Variants in DPYSL2 observed in about 807,000 individuals in gnomAD.
The protein encoded by DPYSL2 is dihydropyrimidinase like 2, also known as dihydropyrimidinase-related protein 2.
DPYSL2 carries 13 observed loss-of-function variants against 69.9 expected under a neutral mutation model. The observed-to-expected ratio is 0.19, with a 90% confidence interval of 0.12 to 0.30. DPYSL2 has a LOEUF of 0.30. Ranked by LOEUF, DPYSL2 falls within the 10% of genes least tolerant of loss-of-function variation. The pLI, the probability that DPYSL2 is intolerant of heterozygous loss-of-function variation, is 1.00. For synonymous variants in DPYSL2, 326 were observed against 359.1 expected (o/e 0.91, Z 1.04); for missense variants, 587 against 918.9 (o/e 0.64, Z 4.67).
intron 1 of DPYSL2, among the ~76,000 whole-genome samples, chr8:26,575,439 A>C (rs7827953): frequency 1.3e-5 from 2 of 152,234 alleles, no homozygotes; most frequent in South Asian, 4.1e-4. Context: ...CTGAATGGTA[A>C]ATATGGTAAG....
intron 1 of DPYSL2, among the ~76,000 whole-genome samples, chr8:26,520,287 T>G (rs918027357): frequency 6.6e-6 from 1 of 152,142 alleles, no homozygotes; most frequent in African/African-American, 2.4e-5. Flanking sequence ...ATTAGCAGGG[T>G]GAGAACAGAC....
chr8:26,639,318 G>A (rs1451414798), intron 8 of DPYSL2, among the ~76,000 whole-genome samples: 1 of 152,188 alleles, frequency 6.6e-6, no homozygotes, highest in East Asian at 1.9e-4. Context: ...ACGATTGTGG[G>A]GATGGCAAGT....
intron 7 of DPYSL2, among the ~76,000 whole-genome samples, chr8:26,630,441 A>T (rs1201818930): frequency 6.6e-6 from 1 of 152,164 alleles, no homozygotes; most frequent in East Asian, 1.9e-4. Flanking sequence ...TGGGCCTTGG[A>T]AATGCACAGA....
chr8:26,531,986 G>A (rs1437693812), intron 1 of DPYSL2, among the ~76,000 whole-genome samples: 1 of 152,078 alleles, frequency 6.6e-6, no homozygotes, highest in Non-Finnish European at 1.5e-5. Flanking sequence ...AGGGATATGG[G>A]CACAGGGAGG....
At chr8:26,639,641 C>T (rs1802996327) in intron 8 of DPYSL2, among the ~76,000 whole-genome samples, 2 of 152,132 alleles carry the variant, frequency 1.3e-5, no homozygotes, top group African/African-American at 4.8e-5. Flanking sequence ...CCCACTTTGT[C>T]TAGTACAATT....
intron 1 of DPYSL2, among the ~76,000 whole-genome samples, chr8:26,563,407 G>A (rs1319688969): frequency 6.6e-6 from 1 of 152,140 alleles, no homozygotes; most frequent in African/African-American, 2.4e-5. Context: ...AAACTTTGCT[G>A]CAAAAATTGA....
chr8:26,548,859 C>A (rs1800825887), intron 1 of DPYSL2, among the ~76,000 whole-genome samples: 1 of 151,810 alleles, frequency 6.6e-6, no homozygotes, highest in Non-Finnish European at 1.5e-5. Flanking sequence ...GCCTGGGTGA[C>A]AGAGTGAGAC....
At chr8:26,645,870 T>TC (rs1391697082) in intron 10 of DPYSL2, among the ~76,000 whole-genome samples, 1 of 149,498 alleles carries the variant, frequency 6.7e-6, no homozygotes, top group African/African-American at 2.5e-5. Flanking sequence ...TATAATTCTT[T>TC]TTTTTTGGCT....
chr8:26,605,163 G>GT lies in DPYSL2; in HGVS notation c.629-18979dup. 6.6e-6 allele frequency among the ~76,000 whole-genome samples: 1 copy of GT among 152,242 alleles called. No homozygotes were observed. Among genetic ancestry groups the GT allele is most frequent in the Non-Finnish European group, 1.5e-5 (1 of 68,026 alleles). ...AGGAGCACCAGGGCTGGCCCATCAA[G>GT]TACCTCAATATATTGCTCCCTGATG... On this transcript the variant is annotated intron_variant, in intron 3 of 13. Transcript: ENST00000521913. This position sits in a 1 kb window ranked among gnomAD's most constrained non-coding sequence, Gnocchi z 4.1.
Position 26,626,502 on chromosome 8 carries a change from CA to C in DPYSL2, c.794-114del. ...ACTGAAACACACACACACACACACA[CA>C]CACACACACACACACACACGTACAC... On this transcript the variant is annotated intron_variant, in intron 4 of 13. Coordinates refer to ENST00000521913, the MANE Select transcript of DPYSL2 (RefSeq NM_001197293.3). The surrounding 1 kb of genome is among the most constrained non-coding windows in gnomAD (Gnocchi z 4.3). 1.3e-6 allele frequency: 1 copy of C among 797,342 alleles called. No individual in the cohort carries two copies. Among genetic ancestry groups the C allele is most frequent in the Non-Finnish European group, 2.1e-6 (1 of 484,766 alleles). 49.4% of individuals were successfully genotyped at this position (797,342 alleles called of 1,614,324 possible).
chr8:26,549,200 TTAATAA>T lies in DPYSL2; in HGVS notation c.355-32746_355-32741del, dbSNP rs57336957. ...GGAAGACTGTCTCAAAAAAATTAAG[TTAATAA>T]TAATAATAATAATAATAATAATCAA... On this transcript the variant is annotated intron_variant, in intron 1 of 13. Coordinates refer to ENST00000521913, the MANE Select transcript of DPYSL2 (RefSeq NM_001197293.3). 4.2e-3 allele frequency among the ~76,000 whole-genome samples: 608 copies of T among 146,390 alleles called. 7 individuals carry two copies. The highest frequency in any genetic ancestry group is 0.018 in the Middle Eastern group (5 of 274).
At chr8:26,636,420 T>G (rs1802917518) in intron 8 of DPYSL2, among the ~76,000 whole-genome samples, 1 of 152,210 alleles carries the variant, frequency 6.6e-6, no homozygotes, top group Non-Finnish European at 1.5e-5. Flanking sequence ...TTTTCTGTAT[T>G]TTACTACTGC....
At position 26,647,935 on chromosome 8, in the gene DPYSL2, G is replaced by T. The variant is rs11776801; in HGVS notation, c.1596+135G>T. ...CGCTCGACTGAGGATGTTATGATTT[G>T]CAATTTGCTGGGAAAAGAATAGTTA... On this transcript the variant is annotated intron_variant, in intron 11 of 13. Coordinates refer to ENST00000521913, the MANE Select transcript of DPYSL2 (RefSeq NM_001197293.3). The surrounding 1 kb of genome is among the most constrained non-coding windows in gnomAD (Gnocchi z 5.1). 0.13 allele frequency: 140,073 copies of T among 1,050,304 alleles called. 10,495 individuals carry two copies. Among genetic ancestry groups the T allele is most frequent in the Middle Eastern group, 0.17 (804 of 4,678 alleles). 65.1% of individuals were successfully genotyped at this position (1,050,304 alleles called of 1,614,324 possible).
Position 26,641,298 on chromosome 8 carries a change from G to A in DPYSL2, c.1127-2141G>A, listed in dbSNP as rs747887571. ...AACTTCTTCATGTGGACAAAAGCAG[G>A]AAGCCTTTAGGGCCACGCATCTCTT... is the stretch of plus-strand genomic sequence containing the variant. On this transcript the variant is annotated intron_variant, in intron 8 of 13. Coordinates refer to ENST00000521913, the MANE Select transcript of DPYSL2 (RefSeq NM_001197293.3). The surrounding 1 kb of genome is among the most constrained non-coding windows in gnomAD (Gnocchi z 4.1). 4.3e-4 allele frequency among the ~76,000 whole-genome samples: 66 copies of A among 152,336 alleles called. No homozygotes were observed. The highest frequency in any genetic ancestry group is 7.6e-4 in the Non-Finnish European group (52 of 68,038).
Position 26,524,835 on chromosome 8 carries a change from AAG to A in DPYSL2, c.354+10164_354+10165del, listed in dbSNP as rs1554531504. ...AAAAAAAAAAAAAAAAAAAAAAAAA[AAG>A]AGAGAGAATTACTGTTTTTCAATAT... On this transcript the variant is annotated intron_variant, in intron 1 of 13. Transcript: ENST00000521913. 1.1e-3 allele frequency among the ~76,000 whole-genome samples: 78 copies of A among 74,218 alleles called. 3 individuals carry two copies. The highest frequency in any genetic ancestry group is 3.3e-3 in the African/African-American group (76 of 23,210). The allele number at this position is 74,218 out of a possible 152,430, so 48.7% of individuals were successfully genotyped here.
In DPYSL2 at chr8:26,644,152, G is replaced by A; in HGVS notation, c.1425+61G>A. ...AGCCTTCCTTGTCCTCCTCATCTGG[G>A]GGCCATGGGGCTCATGGAGGCCTTG... On this transcript the variant is annotated intron_variant, in intron 10 of 13. Transcript: ENST00000521913. This position sits in a 1 kb window ranked among gnomAD's most constrained non-coding sequence, Gnocchi z 4.5. 1 of 1,574,022 alleles carries A rather than the reference G, an allele frequency of 6.4e-7. No individual in the cohort carries two copies. Among genetic ancestry groups the A allele is most frequent in the Non-Finnish European group, 8.6e-7 (1 of 1,158,118 alleles).
chr8:26,628,418 T>C lies in DPYSL2; in HGVS notation c.1005+478T>C, dbSNP rs118038236. Among the ~76,000 whole-genome samples, 882 of 152,274 alleles carry C rather than the reference T, an allele frequency of 5.8e-3. 6 individuals are homozygous for C. Among genetic ancestry groups the C allele is most frequent in the Non-Finnish European group, 9.4e-3 (637 of 68,022 alleles). ...GCAGAGTTTGGTAGACAGAATCTTT[T>C]AAAATTATGGAGGGAAGATTCAGAG... On this transcript the variant is annotated intron_variant, in intron 7 of 13. Transcript: ENST00000521913.
chr8:26,543,923 G>A (rs559028959), intron 1 of DPYSL2, among the ~76,000 whole-genome samples: 3 of 152,294 alleles, frequency 2.0e-5, no homozygotes, highest in East Asian at 3.9e-4. Flanking sequence ...AGGATTACAG[G>A]CATGAGCCCT....
intron 1 of DPYSL2, among the ~76,000 whole-genome samples, chr8:26,538,004 G>A (rs573464070): frequency 5.1e-4 from 78 of 152,224 alleles, no homozygotes; most frequent in Middle Eastern, 3.4e-3. Context: ...GGAATCATCC[G>A]ATGTTGCTTC....
Sources: allele counts gnomAD v4.1 joint callset (sites outside exome capture counted in the v4.1 genomes callset), GRCh38; gene constraint gnomAD v4.1.1; non-coding constraint Gnocchi (gnomAD v3.1); transcripts MANE v1.5; gene names NCBI Gene and HGNC (gene_info 2026-07-23, HGNC 2026-07-21).